The following TRDN variants were observed in gnomAD, a reference collection of about 807,000 sequenced individuals.
TRDN encodes triadin, also known as triadin in skeletal muscle.
A neutral mutation model predicts 149.7 loss-of-function variants in TRDN; 161 were observed. The ratio of observed to expected loss-of-function variants is 1.08; its 90% CI spans 0.95 to 1.23. TRDN has a LOEUF of 1.23. Among genes scored for constraint, TRDN ranks in the 50% most tolerant of loss-of-function variants. The probability of loss-of-function intolerance (pLI) is 0.00; values close to 1 mark genes in which losing one functional copy is unlikely to be tolerated. For synonymous variants in TRDN, 294 were observed against 250.5 expected, an observed-to-expected ratio of 1.17 and a Z score of -1.64; for missense variants, 896 against 823.5, an observed-to-expected ratio of 1.09 and a Z score of -1.08.
At chr6:123,568,121 G>A (rs910211876) in intron 2 of TRDN, among the ~76,000 whole-genome samples, 1 of 152,156 alleles carries the variant, frequency 6.6e-6, no homozygotes, top group African/African-American at 2.4e-5. Context: ...CCCCATGTAA[G>A]TTGAAAACCC....
intron 3 of TRDN, 96 bp downstream of exon 3, chr6:123,548,358 C>T: frequency 1.9e-6 from 2 of 1,053,260 alleles, no homozygotes; most frequent in Non-Finnish European, 2.5e-6. Flanking sequence ...TTTAGCTTGA[C>T]CCAAGTGCTC....
intron 10 of TRDN, chr6:123,464,101 G>T: frequency 3.4e-6 from 1 of 296,004 alleles, no homozygotes; most frequent in Non-Finnish European, 5.0e-6. Flanking sequence ...AATTACTGGT[G>T]TTTTATATAG....
chr6:123,438,156 C>T (rs749395487), intron 11 of TRDN, 34 bp from the exon 12 acceptor site: 14 of 1,498,040 alleles, frequency 9.3e-6, no homozygotes, highest in Non-Finnish European at 1.3e-5. Flanking sequence ...TAAGCCTTTA[C>T]CTGTTTAACT....
rs553064166 is a variant in TRDN at position 123,389,614 on chromosome 6, A to C, written c.1106-1063T>G. 4 of 152,322 alleles carry C rather than the reference A, an allele frequency of 2.6e-5. No individual in the cohort carries two copies. The South Asian group carries it at 8.3e-4, about 32-fold the overall frequency. The allele number at this position is 152,322 out of a possible 1,614,324, so 9.4% of individuals were successfully genotyped here. A position where few individuals can be genotyped will look rare whatever the true frequency, so the allele number is the denominator to read the frequency against. On this transcript the variant is annotated intron_variant, in intron 13 of 40. Transcript: ENST00000334268. The stretch of plus-strand genomic sequence containing the variant: ...GCTCTAAAAATCAGGAATAAAAGAC[A>C]GGAAGAAAATGTATTTTAATTTACC...
chr6:123,297,184 C>A (rs1399826288), intron 24 of TRDN, among the ~76,000 whole-genome samples: 5 of 151,972 alleles, frequency 3.3e-5, no homozygotes, highest in African/African-American at 4.8e-5. Context: ...GGCTGCACTA[C>A]AATAATTTCT....
chr6:123,601,495 A>C (rs1784276232), intron 1 of TRDN, among the ~76,000 whole-genome samples: 1 of 152,148 alleles, frequency 6.6e-6, no homozygotes, highest in Non-Finnish European at 1.5e-5. Flanking sequence ...CACTAAATCG[A>C]ATATAATGGA....
intron 5 of TRDN, among the ~76,000 whole-genome samples, chr6:123,519,224 A>G (rs1057108855): frequency 1.3e-5 from 2 of 152,164 alleles, no homozygotes; most frequent in Admixed American, 6.6e-5. Context: ...ACCAGTTGGA[A>G]TGGCCCTGAT....
chr6:123,460,443 G>A (rs1776385467), intron 10 of TRDN, among the ~76,000 whole-genome samples: 1 of 152,046 alleles, frequency 6.6e-6, no homozygotes, highest in Admixed American at 6.6e-5. Flanking sequence ...AAGTTAAATA[G>A]GTGGTAAAAG....
intron 14 of TRDN, among the ~76,000 whole-genome samples, chr6:123,384,712 G>A (rs138814012): frequency 1.6e-3 from 241 of 152,136 alleles, no homozygotes; most frequent in African/African-American, 5.5e-3. Flanking sequence ...GAAGTCCAGG[G>A]TCAGGCAAAT....
At chr6:123,448,627 C>T (rs575133321) in intron 10 of TRDN, among the ~76,000 whole-genome samples, 7 of 152,184 alleles carry the variant, frequency 4.6e-5, no homozygotes, top group East Asian at 3.9e-4. Context: ...GCCCTGCCCC[C>T]GTTTGATGGT....
At chr6:123,501,547 T>C (rs1054580921) in intron 8 of TRDN, among the ~76,000 whole-genome samples, 1 of 152,070 alleles carries the variant, frequency 6.6e-6, no homozygotes, top group Non-Finnish European at 1.5e-5. Flanking sequence ...AAAATGCTCT[T>C]AATTAAATCT....
chr6:123,311,903 A>C (rs972488780), intron 24 of TRDN, among the ~76,000 whole-genome samples: 16 of 151,970 alleles, frequency 1.1e-4, no homozygotes, highest in African/African-American at 3.9e-4. Flanking sequence ...ATGGCAAAAA[A>C]GGTGGGAGGT....
At chr6:123,619,698 A>G (rs1785280866) in intron 1 of TRDN, among the ~76,000 whole-genome samples, 2 of 152,184 alleles carry the variant, frequency 1.3e-5, no homozygotes, top group African/African-American at 4.8e-5. Context: ...CACTTTTGAA[A>G]AATACAATCT....
chr6:123,553,544 A>G (rs1445751683), intron 2 of TRDN, among the ~76,000 whole-genome samples: 1 of 152,160 alleles, frequency 6.6e-6, no homozygotes, highest in Non-Finnish European at 1.5e-5. Flanking sequence ...GGTGTAAAGC[A>G]TGTGTATTAG....
intron 37 of TRDN, among the ~76,000 whole-genome samples, chr6:123,254,233 C>G (rs1028466051): frequency 6.6e-6 from 1 of 151,930 alleles, no homozygotes; most frequent in Non-Finnish European, 1.5e-5. Flanking sequence ...CTATATTATT[C>G]TACAAATGTA....
chr6:123,517,618 A>T (rs1261652157), intron 5 of TRDN, among the ~76,000 whole-genome samples: 1 of 152,056 alleles, frequency 6.6e-6, no homozygotes, highest in Non-Finnish European at 1.5e-5. Flanking sequence ...TTCTCCTTGA[A>T]CTTTATATTC....
intron 9 of TRDN, among the ~76,000 whole-genome samples, chr6:123,476,947 C>T (rs1349683776): frequency 1.4e-5 from 2 of 144,124 alleles, no homozygotes; most frequent in East Asian, 4.1e-4. Flanking sequence ...GACCTAAAAC[C>T]ATAAAAACCC....
At chr6:123,526,676 T>G (rs574892694) in intron 5 of TRDN, among the ~76,000 whole-genome samples, 24 of 152,180 alleles carry the variant, frequency 1.6e-4, no homozygotes, top group African/African-American at 5.5e-4. Flanking sequence ...TCATCCATAG[T>G]AGATAAACAC....
At chr6:123,515,267 A>G (rs956017176) in intron 6 of TRDN, among the ~76,000 whole-genome samples, 1 of 152,068 alleles carries the variant, frequency 6.6e-6, no homozygotes, top group Non-Finnish European at 1.5e-5. Flanking sequence ...GAGAAAAATA[A>G]TTCATGATCT....
Sources: gnomAD v4.1 joint callset for allele counts (sites outside exome capture counted in the v4.1 genomes callset) on GRCh38, gnomAD v4.1.1 for gene constraint, MANE v1.5 for transcripts, NCBI Gene and HGNC (gene_info 2026-07-23, HGNC 2026-07-21) for gene names.